Variants in KCTD1 observed in about 807,000 individuals in gnomAD.
KCTD1 encodes the protein potassium channel tetramerization domain containing 1.
Under a neutral mutation model 66.0 loss-of-function variants are expected in KCTD1, and 24 were observed. The observed-to-expected ratio is 0.36, with a 90% CI of 0.26 to 0.51. KCTD1 has a LOEUF of 0.51. Ranked by LOEUF, KCTD1 falls within the 20% of genes least tolerant of loss-of-function variation. KCTD1 has a pLI of 0.95. For synonymous variants in KCTD1, 511 were observed against 517.2 expected, an observed-to-expected ratio of 0.99 and a Z score of 0.16; for missense variants, 943 against 1,205.2, an observed-to-expected ratio of 0.78 and a Z score of 3.22.
chr18:26,487,785 A>G (rs1981991183), intron 2 of KCTD1, among the ~76,000 whole-genome samples: 1 of 152,216 alleles, frequency 6.6e-6, no homozygotes, highest in African/African-American at 2.4e-5. Context: ...GTCCATAGCC[A>G]TGCTAGGTGA....
rs1452657273 is a variant in KCTD1, at chr18:26,455,652, G to T, written c.*91C>A. 3.9e-6 allele frequency: 6 copies of T among 1,526,566 alleles called. No homozygotes were observed. In the East Asian group the frequency reaches 1.3e-4, roughly 34 times the overall value. The allele number at this position is 1,526,566 out of a possible 1,614,324, so 94.6% of individuals were successfully genotyped here. On this transcript the variant is annotated 3_prime_UTR_variant, in exon 5 of 5. Transcript: ENST00000580059. ...TTATTCGATTTTACGTCCAGGACTTGGTTTGCTGTCCCAACTGCACATAAA... is the reference window on the plus strand; with the variant it reads ...TTATTCGATTTTACGTCCAGGACTTTGTTTGCTGTCCCAACTGCACATAAA...
intron 1 of KCTD1, among the ~76,000 whole-genome samples, chr18:26,593,546 AGACGAGGAGGAGGAGGAGGAG>A (rs1280411871): frequency 1.2e-5 from 1 of 80,460 alleles, no homozygotes; most frequent in Non-Finnish European, 2.5e-5. Flanking sequence ...AGGAGGAAGA[AGACGAGGAGGAGGAGGAGGAG>A]GAAGACAAGG....
At chr18:26,466,817 G>A (rs1232779206) in intron 3 of KCTD1, among the ~76,000 whole-genome samples, 1 of 152,192 alleles carries the variant, frequency 6.6e-6, no homozygotes, top group Non-Finnish European at 1.5e-5. Flanking sequence ...AACCCATCAT[G>A]TCTTTAGAGA....
upstream of KCTD1, among the ~76,000 whole-genome samples, chr18:26,644,406 G>A (rs1987893350): frequency 1.3e-5 from 2 of 152,086 alleles, no homozygotes; most frequent in South Asian, 4.1e-4. Flanking sequence ...AGTGTCCACT[G>A]AACCCAGGCT....
At chr18:26,535,566 C>T (rs533000216) in intron 1 of KCTD1, among the ~76,000 whole-genome samples, 6 of 152,168 alleles carry the variant, frequency 3.9e-5, no homozygotes, top group South Asian at 2.1e-4. Context: ...TCATTTCACC[C>T]GACCCATCAT....
chr18:26,618,863 T>C (rs1987313753), intron 1 of KCTD1, among the ~76,000 whole-genome samples: 1 of 152,230 alleles, frequency 6.6e-6, no homozygotes, highest in South Asian at 2.1e-4. Flanking sequence ...CATTTATGGT[T>C]GGATGTTTCC....
chr18:26,545,514 T>C (rs1480164970), intron 1 of KCTD1: 1 of 152,104 alleles, frequency 6.6e-6, no homozygotes, highest in Non-Finnish European at 1.5e-5. Context: ...GGTCAGTGTG[T>C]CCAGAACTGG....
chr18:26,506,001 G>A (rs1043329665), intron 1 of KCTD1, among the ~76,000 whole-genome samples: 3 of 151,406 alleles, frequency 2.0e-5, no homozygotes, highest in Non-Finnish European at 2.9e-5. Flanking sequence ...TCAGCCTCCC[G>A]AGTAGCTGGG....
At chr18:26,567,707 T>C (rs1986016328) in intron 1 of KCTD1, among the ~76,000 whole-genome samples, 1 of 152,066 alleles carries the variant, frequency 6.6e-6, no homozygotes, top group Admixed American at 6.6e-5. Flanking sequence ...CAGGCTGGTC[T>C]CTAACTCCTA....
rs185573243 is a variant in KCTD1, at chr18:26,521,221, A to G, written c.1810-19971T>C. On this transcript the variant is annotated intron_variant, in intron 1 of 4. Coordinates refer to ENST00000580059, the MANE Select transcript of KCTD1 (RefSeq NM_001142730.3). ...AGCCTGCGAGTCTGCTAATCACAATAATGCCAGGTGGCATTTAGGGGTGCC... is the reference window on the plus strand; with the variant it reads ...AGCCTGCGAGTCTGCTAATCACAATGATGCCAGGTGGCATTTAGGGGTGCC... Among the ~76,000 whole-genome samples, 121 of 152,276 alleles carry G rather than the reference A, an allele frequency of 7.9e-4. 1 individual carries two copies. The highest frequency in any genetic ancestry group is 2.8e-3 in the African/African-American group (115 of 41,558).
intron 1 of KCTD1, among the ~76,000 whole-genome samples, chr18:26,593,256 A>G (rs1330794573): frequency 6.6e-6 from 1 of 151,534 alleles, no homozygotes; most frequent in Non-Finnish European, 1.5e-5. Flanking sequence ...GAAGCTTCTC[A>G]TAAGGGAGGA....
intron 1 of KCTD1, among the ~76,000 whole-genome samples, chr18:26,574,393 G>T (rs1193165042): frequency 1.3e-5 from 2 of 152,128 alleles, no homozygotes; most frequent in Non-Finnish European, 2.9e-5. Context: ...ATTTGAGAAG[G>T]ATTAACTTAC....
At chr18:26,596,155 T>C (rs1235054968) in intron 1 of KCTD1, among the ~76,000 whole-genome samples, 2 of 152,300 alleles carry the variant, frequency 1.3e-5, no homozygotes, top group East Asian at 1.9e-4. Context: ...AACTCGCATG[T>C]GATAATATTT....
intron 2 of KCTD1, among the ~76,000 whole-genome samples, chr18:26,485,673 C>T (rs993547231): frequency 6.6e-6 from 1 of 151,984 alleles, no homozygotes; most frequent in Non-Finnish European, 1.5e-5. Context: ...TTTAGGTTTT[C>T]CCTTGCTTTT....
At chr18:26,470,928 G>A (rs1981023747) in intron 3 of KCTD1, among the ~76,000 whole-genome samples, 2 of 152,338 alleles carry the variant, frequency 1.3e-5, no homozygotes, top group Middle Eastern at 6.8e-3. Flanking sequence ...GAGAAGTCCT[G>A]TAGGGACATG....
chr18:26,541,500 G>C (rs1002834212), intron 1 of KCTD1, among the ~76,000 whole-genome samples: 1 of 152,210 alleles, frequency 6.6e-6, no homozygotes, highest in Non-Finnish European at 1.5e-5. Flanking sequence ...AACCCTGTCT[G>C]TCATGAATGA....
chr18:26,589,556 A>G (rs935583971), intron 1 of KCTD1, among the ~76,000 whole-genome samples: 9 of 152,210 alleles, frequency 5.9e-5, no homozygotes, highest in African/African-American at 2.2e-4. Context: ...GAAAAGGGTT[A>G]TCAAAGACAT....
At position 26,585,067 on chromosome 18, in the gene KCTD1, C is replaced by G. The variant is rs1986442776; in HGVS notation, c.-16+44080G>C. Among the ~76,000 whole-genome samples the G allele has an allele frequency of 2.0e-5, 3 of 152,154 alleles. No individual in the cohort carries two copies. In the South Asian group the frequency reaches 6.2e-4, roughly 32 times the overall value. On this transcript the variant is annotated intron_variant, in intron 1 of 4. Coordinates refer to the KCTD1 transcript ENST00000317932. ...GGTGACGCCTCATGAGCATTCCAGGCCACCCTTGCCCTGGTCTGATGCTGC... is the reference window on the plus strand; with the variant it reads ...GGTGACGCCTCATGAGCATTCCAGGGCACCCTTGCCCTGGTCTGATGCTGC...
upstream of KCTD1, among the ~76,000 whole-genome samples, chr18:26,550,557 G>GACACACACACACACACACACAC (rs907937404): frequency 8.4e-5 from 7 of 83,680 alleles, no homozygotes; most frequent in African/African-American, 4.2e-4. This position sits in a 1 kb window ranked among gnomAD's most constrained non-coding sequence, Gnocchi z 5.4. Flanking sequence ...GGAAACACAA[G>GACACACACACACACACACACAC]ACACACAGAC....
Sources: gnomAD v4.1 joint callset for allele counts (sites outside exome capture counted in the v4.1 genomes callset) on GRCh38, gnomAD v4.1.1 for gene constraint, Gnocchi (gnomAD v3.1) non-coding constraint, MANE v1.5 for transcripts, NCBI Gene and HGNC (gene_info 2026-07-23, HGNC 2026-07-21) for gene names.